PPP1R9A: variants seen among roughly 807,000 people sequenced by gnomAD.
PPP1R9A encodes the protein neurabin-1.
Under a neutral mutation model 141.9 loss-of-function variants are expected in PPP1R9A, and 59 were observed. The observed-to-expected ratio is 0.42, with a 90% confidence interval of 0.34 to 0.52. PPP1R9A has a LOEUF of 0.52. Ranked by LOEUF, PPP1R9A falls within the 20% of genes least tolerant of loss-of-function variation. PPP1R9A has a pLI of 0.10. For missense variants in PPP1R9A, 1,444 were observed against 1,611.9 expected, an observed-to-expected ratio of 0.90 and a Z score of 1.78; for synonymous variants, 500 against 569.7, an observed-to-expected ratio of 0.88 and a Z score of 1.74.
At chr7:95,205,359 G>C (rs1227165327) in intron 7 of PPP1R9A, among the ~76,000 whole-genome samples, 1 of 152,126 alleles carries the variant, frequency 6.6e-6, no homozygotes, top group African/African-American at 2.4e-5. Context: ...AAATTTCTCT[G>C]AAAGTGTAGA....
At chr7:95,289,768 C>T (rs1036270890) in intron 19 of PPP1R9A, among the ~76,000 whole-genome samples, 1 of 152,166 alleles carries the variant, frequency 6.6e-6, no homozygotes, top group Non-Finnish European at 1.5e-5. Flanking sequence ...TTAGCAATAC[C>T]TTTACCCGTA....
chr7:95,243,286 C>T (rs1003133008), intron 8 of PPP1R9A, among the ~76,000 whole-genome samples: 1 of 152,110 alleles, frequency 6.6e-6, no homozygotes, highest in Non-Finnish European at 1.5e-5. Context: ...AGAATTCTTA[C>T]AAGGTGTTTT....
At chr7:95,143,686 A>T (rs962022023) in intron 4 of PPP1R9A, among the ~76,000 whole-genome samples, 17 of 152,172 alleles carry the variant, frequency 1.1e-4, no homozygotes, top group African/African-American at 2.9e-4. Flanking sequence ...ATCTTGGCTT[A>T]GTAGGAGGCT....
chr7:95,050,041 T>C (rs1302603304), intron 2 of PPP1R9A, among the ~76,000 whole-genome samples: 3 of 152,212 alleles, frequency 2.0e-5, no homozygotes, highest in African/African-American at 4.8e-5. Context: ...TGCTGGATTG[T>C]ATGGTTAGAG....
intron 2 of PPP1R9A, among the ~76,000 whole-genome samples, chr7:95,070,472 T>C (rs1813602811): frequency 6.6e-6 from 1 of 151,702 alleles, no homozygotes; most frequent in African/African-American, 2.4e-5. Flanking sequence ...TGAAAACCAG[T>C]GATCAAGGAA....
rs961655969 is a variant in PPP1R9A at position 95,295,813 on chromosome 7, C to T, written c.*5510C>T. The T allele has an allele frequency of 1.3e-5, 2 of 152,530 alleles. No individual in the cohort carries two copies. Among genetic ancestry groups the T allele is most frequent in the African/African-American group, 4.8e-5 (2 of 41,440 alleles). The allele number at this position is 152,530 out of a possible 1,614,324, so 9.4% of individuals were successfully genotyped here. On this transcript the variant is annotated 3_prime_UTR_variant, in exon 20 of 20. Transcript: ENST00000433360. The stretch of plus-strand genomic sequence containing the variant: ...CCAGCCAGATAACACCTCCCAACAA[C>T]ATGAAATTTAGTTAGTGCTTAGTGA...
chr7:95,251,295 C>T (rs149943497), intron 10 of PPP1R9A, among the ~76,000 whole-genome samples: 4 of 152,174 alleles, frequency 2.6e-5, no homozygotes, highest in African/African-American at 9.6e-5. Flanking sequence ...TAAGTGAGTG[C>T]CCCTCTCGAT....
intron 2 of PPP1R9A, among the ~76,000 whole-genome samples, chr7:95,108,307 CTTTTTTTTTT>C (rs1166103728): frequency 1.0e-4 from 6 of 59,614 alleles, no homozygotes; most frequent in Admixed American, 2.2e-4. Context: ...CGTTTCTTTT[CTTTTTTTTTT>C]TTTTTTTTTT....
At chr7:95,251,419 A>C (rs142307020) in intron 10 of PPP1R9A, among the ~76,000 whole-genome samples, 4 of 152,312 alleles carry the variant, frequency 2.6e-5, no homozygotes, top group African/African-American at 9.6e-5. Flanking sequence ...ATGACATTGG[A>C]AAAATGGAAT....
chr7:94,949,943 G>C (rs1006939433), intron 2 of PPP1R9A, among the ~76,000 whole-genome samples: 3 of 64,358 alleles, frequency 4.7e-5, no homozygotes, highest in Admixed American at 4.5e-4. Flanking sequence ...CTTTTTTTTT[G>C]AACTTTTCTG....
intron 4 of PPP1R9A, among the ~76,000 whole-genome samples, chr7:95,128,143 G>A (rs914071659): frequency 7.9e-5 from 12 of 152,134 alleles, no homozygotes; most frequent in Non-Finnish European, 1.5e-4. Flanking sequence ...CAGCGTGTAA[G>A]CATTCCCTTT....
At chr7:95,059,752 C>G (rs1000857325) in intron 2 of PPP1R9A, among the ~76,000 whole-genome samples, 5 of 152,108 alleles carry the variant, frequency 3.3e-5, no homozygotes, top group African/African-American at 9.7e-5. Flanking sequence ...CTTCGTAGCT[C>G]AATACTCTAC....
chr7:95,168,996 A>G (rs1057328703), intron 5 of PPP1R9A, among the ~76,000 whole-genome samples: 4 of 151,994 alleles, frequency 2.6e-5, no homozygotes, highest in African/African-American at 9.7e-5. Context: ...AAAAACTAAA[A>G]ATAGAACTAC....
At chr7:95,116,502 A>G (rs1821546366) in intron 3 of PPP1R9A, among the ~76,000 whole-genome samples, 1 of 152,146 alleles carries the variant, frequency 6.6e-6, no homozygotes, top group African/African-American at 2.4e-5. Flanking sequence ...AAACAACAAA[A>G]TATTTATTAC....
intron 2 of PPP1R9A, among the ~76,000 whole-genome samples, chr7:94,969,225 A>G (rs1230683418): frequency 1.3e-5 from 2 of 152,074 alleles, no homozygotes; most frequent in African/African-American, 4.8e-5. Flanking sequence ...GAGAAGAGGC[A>G]TTCTGGTTTT....
intron 8 of PPP1R9A, among the ~76,000 whole-genome samples, chr7:95,245,177 A>G (rs1054471950): frequency 6.6e-6 from 1 of 152,202 alleles, no homozygotes; most frequent in African/African-American, 2.4e-5. Context: ...GTAGATTTAT[A>G]TATAAATAAT....
intron 3 of PPP1R9A, among the ~76,000 whole-genome samples, chr7:95,119,543 C>G (rs1312729285): frequency 1.3e-5 from 2 of 152,142 alleles, no homozygotes; most frequent in Non-Finnish European, 2.9e-5. Flanking sequence ...CAACATCTGC[C>G]TCCCAGACTC....
chr7:95,074,543 T>G (rs1814545254), intron 2 of PPP1R9A, among the ~76,000 whole-genome samples: 1 of 151,372 alleles, frequency 6.6e-6, no homozygotes, highest in South Asian at 2.1e-4. Context: ...GGCGCGATCT[T>G]GGCTCACCCC....
chr7:95,158,802 A>G (rs1032957786), intron 4 of PPP1R9A, among the ~76,000 whole-genome samples: 1 of 152,196 alleles, frequency 6.6e-6, no homozygotes, highest in African/African-American at 2.4e-5. Flanking sequence ...TGATTTGACA[A>G]TTTGTGGAAG....
Sources: gnomAD v4.1 joint callset for allele counts (sites outside exome capture counted in the v4.1 genomes callset) on GRCh38, gnomAD v4.1.1 for gene constraint, MANE v1.5 for transcripts, NCBI Gene and HGNC (gene_info 2026-07-23, HGNC 2026-07-21) for gene names.